The following CCDC3 variants were observed in gnomAD, a reference collection of about 807,000 sequenced individuals.
The protein encoded by CCDC3 is coiled-coil domain-containing protein 3.
CCDC3 carries 24 observed loss-of-function variants against 21.4 expected under a neutral mutation model. The observed-to-expected ratio is 1.12, with a 90% confidence interval of 0.81 to 1.58. CCDC3 has a LOEUF of 1.58. CCDC3 is among the 40% of genes most tolerant of loss of function. The pLI is 0.00. For synonymous variants in CCDC3, 186 were observed against 166.0 expected, an observed-to-expected ratio of 1.12 and a Z score of -0.93; for missense variants, 425 against 360.9, an observed-to-expected ratio of 1.18 and a Z score of -1.44.
intron 2 of CCDC3, among the ~76,000 whole-genome samples, chr10:12,930,551 A>C (rs1834622297): frequency 6.6e-6 from 1 of 152,194 alleles, no homozygotes; most frequent in Non-Finnish European, 1.5e-5. Context: ...GCAATTGACA[A>C]CTGTGCTAGC....
At chr10:12,936,977 C>T (rs959769038) in intron 2 of CCDC3, among the ~76,000 whole-genome samples, 11 of 152,148 alleles carry the variant, frequency 7.2e-5, no homozygotes, top group South Asian at 6.2e-4. Flanking sequence ...AAAATGGTTC[C>T]GTTTCCCTCT....
At chr10:12,937,628 A>C (rs1241575199) in intron 2 of CCDC3, among the ~76,000 whole-genome samples, 1 of 152,134 alleles carries the variant, frequency 6.6e-6, no homozygotes, top group Non-Finnish European at 1.5e-5. Flanking sequence ...AAGAGCCCAT[A>C]AGCTTCCTCA....
intron 5 of CCDC3, among the ~76,000 whole-genome samples, chr10:13,031,012 A>C (rs1434762967): frequency 3.9e-5 from 6 of 152,206 alleles, no homozygotes; most frequent in Admixed American, 2.0e-4. Context: ...ACATCTACAG[A>C]ACTCTCCACC....
chr10:13,034,950 C>T (rs1836359167), intron 5 of CCDC3, among the ~76,000 whole-genome samples: 1 of 151,518 alleles, frequency 6.6e-6, no homozygotes, highest in Admixed American at 6.6e-5. Flanking sequence ...CGCTTGAACC[C>T]AGTAGGCAGA....
At chr10:12,993,752 A>C (rs1026687494) in intron 2 of CCDC3, among the ~76,000 whole-genome samples, 2 of 152,174 alleles carry the variant, frequency 1.3e-5, no homozygotes, top group Non-Finnish European at 2.9e-5. Flanking sequence ...GTGAACACGT[A>C]CTAACACTGC....
intron 2 of CCDC3, among the ~76,000 whole-genome samples, chr10:12,956,816 C>G (rs893128790): frequency 2.0e-5 from 3 of 152,150 alleles, no homozygotes; most frequent in Non-Finnish European, 4.4e-5. Context: ...AACACACTAT[C>G]CTAGCAGCCT....
chr10:13,060,243 G>T (rs1189747607), intron 4 of CCDC3, among the ~76,000 whole-genome samples: 2 of 152,086 alleles, frequency 1.3e-5, no homozygotes, highest in African/African-American at 2.4e-5. Context: ...CATGGAAGAC[G>T]TGACCTTGCT....
At chr10:12,991,954 A>G (rs539719712) in intron 2 of CCDC3, among the ~76,000 whole-genome samples, 8 of 152,050 alleles carry the variant, frequency 5.3e-5, no homozygotes, top group Non-Finnish European at 1.2e-4. Context: ...CCCTCAGGCC[A>G]TGCATATGGA....
intron 2 of CCDC3, 81 bp downstream of exon 2, chr10:12,998,257 T>C (rs1020459498): frequency 1.3e-6 from 2 of 1,483,754 alleles, no homozygotes; most frequent in Non-Finnish European, 1.8e-6. Flanking sequence ...AGAGTATTCT[T>C]GATTCCTTTG....
At position 12,900,835 on chromosome 10, in the gene CCDC3, T is replaced by G. The variant is rs114615347; in HGVS notation, c.550-2156A>C. Among the ~76,000 whole-genome samples the G allele has an allele frequency of 9.7e-3, 1,480 of 152,238 alleles. 23 individuals are homozygous for G. Among genetic ancestry groups the G allele is most frequent in the African/African-American group, 0.033 (1,385 of 41,522 alleles). ...TTCCACTGACGAGTGACCTGAGACC[T>G]TGGGCAAGCTTCCTAGGCTCAGAGT... is the stretch of plus-strand genomic sequence containing the variant. On this transcript the variant is annotated intron_variant, in intron 2 of 2. Transcript: ENST00000378825.
chr10:12,961,782 C>T (rs922426714), intron 2 of CCDC3, among the ~76,000 whole-genome samples: 6 of 152,192 alleles, frequency 3.9e-5, no homozygotes, highest in African/African-American at 1.4e-4. Flanking sequence ...TCCATTTCAG[C>T]CCTTTCCTTG....
At chr10:12,924,067 T>C (rs79481727) in intron 2 of CCDC3, among the ~76,000 whole-genome samples, 2,171 of 152,322 alleles carry the variant, frequency 0.014, 27 homozygotes, top group Non-Finnish European at 0.021. Context: ...TGCTGTAGAA[T>C]TGCCATGGCC....
chr10:12,979,213 G>T (rs1047825560), intron 2 of CCDC3, among the ~76,000 whole-genome samples: 1 of 151,948 alleles, frequency 6.6e-6, no homozygotes, highest in South Asian at 2.1e-4. Flanking sequence ...ACAGGACAAG[G>T]GCAAGACCAG....
At position 13,048,981 on chromosome 10, in the gene CCDC3, A is replaced by G. The variant is rs545386322; in HGVS notation, c.-2+693T>C. On this transcript the variant is annotated intron_variant, in intron 5 of 6. Transcript: ENST00000378839. ...CTACATAGTCATGATGAAGATGAGC[A>G]TACAAATTCCAAGTGTCACAACTGG... 1.4e-4 allele frequency among the ~76,000 whole-genome samples: 22 copies of G among 152,300 alleles called. No individual in the cohort carries two copies. The South Asian group carries it at 4.4e-3, about 30-fold the overall frequency.
chr10:12,927,241 G>T (rs969624092), intron 2 of CCDC3, among the ~76,000 whole-genome samples: 1 of 152,178 alleles, frequency 6.6e-6, no homozygotes, highest in South Asian at 2.1e-4. Context: ...TCATCTATCT[G>T]CTGGCCCTTC....
At chr10:13,081,128 A>G (rs367726366) in intron 3 of CCDC3, among the ~76,000 whole-genome samples, 1 of 152,154 alleles carries the variant, frequency 6.6e-6, no homozygotes, top group African/African-American at 2.4e-5. Context: ...TAAAAAAGGA[A>G]ATTTCTCAAC....
At chr10:12,926,193 A>C (rs17508397) in intron 2 of CCDC3, among the ~76,000 whole-genome samples, 8,581 of 152,328 alleles carry the variant, frequency 0.056, 257 homozygotes, top group Non-Finnish European at 0.071. Flanking sequence ...ACACAGGTGG[A>C]GTGTGAAGAC....
At chr10:13,023,359 C>T (rs1201582183) in intron 5 of CCDC3, among the ~76,000 whole-genome samples, 6 of 152,156 alleles carry the variant, frequency 3.9e-5, no homozygotes, top group African/African-American at 1.4e-4. Context: ...TCCAAAATGG[C>T]TTTATTCACA....
intron 5 of CCDC3, among the ~76,000 whole-genome samples, chr10:13,035,405 C>A (rs928071862): frequency 3.9e-5 from 6 of 152,148 alleles, no homozygotes; most frequent in Admixed American, 1.3e-4. Context: ...TAAATGCTAG[C>A]TGGTAAAGAA....
Sources: gnomAD v4.1 joint callset for allele counts (sites outside exome capture counted in the v4.1 genomes callset) on GRCh38, gnomAD v4.1.1 for gene constraint, MANE v1.5 for transcripts, NCBI Gene and HGNC (gene_info 2026-07-23, HGNC 2026-07-21) for gene names.